Variants in HMGB1 observed in about 807,000 individuals in gnomAD.
HMGB1 encodes the protein high mobility group box 1.
For synonymous variants in HMGB1, 81 were observed against 84.0 expected (o/e 0.96, Z 0.19); for missense variants, 79 against 253.5 (o/e 0.31, Z 4.67).
intron 1 of HMGB1, among the ~76,000 whole-genome samples, chr13:30,534,440 ATT>A (rs11342666): frequency 6.6e-6 from 1 of 151,216 alleles, no homozygotes; most frequent in Admixed American, 6.6e-5. Context: ...TAAAATGGTC[ATT>A]TTTTTTTCCC....
Position 30,566,301 on chromosome 13 carries a change from T to G in HMGB1, c.-15+50370A>C, listed in dbSNP as rs569263317. Among the ~76,000 whole-genome samples the G allele has an allele frequency of 6.6e-5, 10 of 152,352 alleles. No homozygotes were observed. The East Asian group carries it at 1.9e-3, about 29-fold the overall frequency. ...CAGCAATTTTATCAAACACATGCTC[T>G]ACAGCAGTGGTCGGCAAACTTTTTC... On this transcript the variant is annotated intron_variant, in intron 1 of 4. Transcript: ENST00000405805.
chr13:30,467,367 A>G (rs868744036), upstream of HMGB1, among the ~76,000 whole-genome samples: 55 of 152,354 alleles, frequency 3.6e-4, no homozygotes, highest in African/African-American at 1.1e-3. Flanking sequence ...AACCTAATTT[A>G]TTTCCTCAAA....
At chr13:30,554,531 C>A (rs1326967890) in intron 1 of HMGB1, 2 of 849,932 alleles carry the variant, frequency 2.4e-6, no homozygotes, top group Non-Finnish European at 4.1e-6. Flanking sequence ...TATACAGAAA[C>A]GGTGGAAAGA....
Position 30,538,671 on chromosome 13 carries a change from T to TC in HMGB1, c.-14-74978dup, listed in dbSNP as rs1215518291. Among the ~76,000 whole-genome samples, 65 of 25,652 alleles carry TC rather than the reference T, an allele frequency of 2.5e-3. 1 individual carries two copies. Among genetic ancestry groups the TC allele is most frequent in the African/African-American group, 6.0e-3 (42 of 7,032 alleles). 16.8% of individuals were successfully genotyped at this position (25,652 alleles called of 152,430 possible). A position where few individuals can be genotyped will look rare whatever the true frequency, so the allele number is the denominator to read the frequency against. ...TCTTTCTTTCTTTCTTTCCTTTCTT[T>TC]CTTTCTTTCTTTCCTTTCTTTCTTT... On this transcript the variant is annotated intron_variant, in intron 1 of 4. Transcript: ENST00000405805.
At chr13:30,528,012 A>G (rs190937759) in intron 1 of HMGB1, among the ~76,000 whole-genome samples, 3 of 152,360 alleles carry the variant, frequency 2.0e-5, no homozygotes, top group Non-Finnish European at 4.4e-5. Flanking sequence ...GAGAGCTGTC[A>G]GTGGATTTAT....
At position 30,611,678 on chromosome 13, in the gene HMGB1, C is replaced by T. The variant is rs569718134; in HGVS notation, c.-15+4993G>A. Among the ~76,000 whole-genome samples, 17 of 152,134 alleles carry T rather than the reference C, an allele frequency of 1.1e-4. No homozygotes were observed. In the East Asian group the frequency reaches 2.9e-3, roughly 26 times the overall value. ...TGTATGAAAACTATTTGTTTACAAA[C>T]GTTTCTACTTCTCTTTAGGAATAAG... is the stretch of plus-strand genomic sequence containing the variant. On this transcript the variant is annotated intron_variant, in intron 1 of 4. Transcript: ENST00000405805.
Position 30,456,765 on chromosome 13 carries a change from G to C in HMGB1, c.*4592C>G, listed in dbSNP as rs531680147. 1.9e-5 allele frequency: 2 copies of C among 106,740 alleles called. No homozygotes were observed. Among genetic ancestry groups the C allele is most frequent in the African/African-American group, 3.6e-5 (1 of 27,538 alleles). The allele number at this position is 106,740 out of a possible 1,614,324, so 6.6% of individuals were successfully genotyped here. A position where few individuals can be genotyped will look rare whatever the true frequency, so the allele number is the denominator to read the frequency against. ...TAAATAACAGCTTTTGTGGGCGGGG[G>C]GGGGGGGTGGTGGGGTGCAATTTAT... On this transcript the variant is annotated 3_prime_UTR_variant, in exon 5 of 5. Coordinates refer to ENST00000341423, the MANE Select transcript of HMGB1 (RefSeq NM_002128.7).
At chr13:30,588,484 T>C (rs771577673) in intron 1 of HMGB1, among the ~76,000 whole-genome samples, 1 of 152,090 alleles carries the variant, frequency 6.6e-6, no homozygotes, top group Non-Finnish European at 1.5e-5. Flanking sequence ...AGTAAAGAAA[T>C]CTTCCTCTGC....
intron 1 of HMGB1, among the ~76,000 whole-genome samples, chr13:30,510,985 G>GT (rs1255581289): frequency 6.6e-6 from 1 of 152,102 alleles, no homozygotes; most frequent in Non-Finnish European, 1.5e-5. Context: ...TTTTTTACAA[G>GT]TTGCTCATTC....
At chr13:30,462,057 G>C (rs1886379025) in intron 4 of HMGB1, among the ~76,000 whole-genome samples, 2 of 152,164 alleles carry the variant, frequency 1.3e-5, no homozygotes, top group South Asian at 4.1e-4. Flanking sequence ...TGAACTATAA[G>C]AGTTATAGAT....
chr13:30,550,704 G>A (rs1173782556), intron 1 of HMGB1, among the ~76,000 whole-genome samples: 2 of 152,114 alleles, frequency 1.3e-5, no homozygotes, highest in Admixed American at 1.3e-4. Context: ...TATCTGTTCT[G>A]TCATTCCTGC....
chr13:30,513,936 A>C (rs1888046791), intron 1 of HMGB1, among the ~76,000 whole-genome samples: 1 of 152,116 alleles, frequency 6.6e-6, no homozygotes, highest in East Asian at 1.9e-4. Flanking sequence ...AATGGGGTCT[A>C]TGGGGTGTCT....
At chr13:30,564,886 C>T (rs1870125285) in intron 1 of HMGB1, among the ~76,000 whole-genome samples, 2 of 152,088 alleles carry the variant, frequency 1.3e-5, no homozygotes, top group Non-Finnish European at 2.9e-5. Context: ...TCTAACAATC[C>T]CACTGCAAAA....
At chr13:30,558,117 G>A (rs1332538837) in intron 1 of HMGB1, among the ~76,000 whole-genome samples, 9 of 152,076 alleles carry the variant, frequency 5.9e-5, no homozygotes, top group Admixed American at 5.9e-4. Context: ...ATAATGAAGA[G>A]AACAGGATTT....
chr13:30,526,154 T>C (rs547122033), intron 1 of HMGB1, among the ~76,000 whole-genome samples: 2 of 152,334 alleles, frequency 1.3e-5, no homozygotes, highest in South Asian at 4.1e-4. Context: ...CCTTCCAGGT[T>C]CAAGTGATTC....
chr13:30,555,369 C>T (rs1440734734), intron 1 of HMGB1, among the ~76,000 whole-genome samples: 12 of 152,080 alleles, frequency 7.9e-5, no homozygotes, highest in Admixed American at 6.5e-4. Flanking sequence ...GTGTATGAAA[C>T]GTAGAAATAT....
At chr13:30,485,359 T>G (rs564133803) in intron 1 of HMGB1, among the ~76,000 whole-genome samples, 3 of 152,296 alleles carry the variant, frequency 2.0e-5, no homozygotes, top group South Asian at 4.1e-4. Flanking sequence ...ACTTTTAAGA[T>G]GAGAGACCCT....
chr13:30,496,203 A>G lies in HMGB1; in HGVS notation c.-14-32509T>C, dbSNP rs545231569. ...GGAAAAGAATTGAAGTTAGGAGAGC[A>G]TTTTTTTCCTTAGCAATTTTGCCTA... On this transcript the variant is annotated intron_variant, in intron 1 of 4. Coordinates refer to the HMGB1 transcript ENST00000405805. 3.3e-5 allele frequency among the ~76,000 whole-genome samples: 5 copies of G among 152,288 alleles called. No homozygotes were observed. In the South Asian group the frequency reaches 1.0e-3, roughly 32 times the overall value.
chr13:30,517,696 G>A (rs144896295), intron 1 of HMGB1, among the ~76,000 whole-genome samples: 4 of 152,296 alleles, frequency 2.6e-5, no homozygotes, highest in Admixed American at 2.0e-4. Context: ...GCCTCTGAGA[G>A]CCTTCTGCTC....
Sources: gnomAD v4.1 joint callset for allele counts (sites outside exome capture counted in the v4.1 genomes callset) on GRCh38, gnomAD v4.1.1 for gene constraint, MANE v1.5 for transcripts, NCBI Gene and HGNC (gene_info 2026-07-23, HGNC 2026-07-21) for gene names.